Variants in FAF1 observed in about 807,000 individuals in gnomAD.
FAF1 encodes the protein FAS-associated factor 1.
FAF1 carries 25 observed loss-of-function variants against 92.5 expected under a neutral mutation model. The observed-to-expected ratio is 0.27, with a 90% CI of 0.20 to 0.38. FAF1 has a LOEUF of 0.38. Among genes scored for constraint, FAF1 ranks in the 10% least tolerant of loss-of-function variants. FAF1 has a pLI of 1.00. For synonymous variants in FAF1, 234 were observed against 273.2 expected (o/e 0.86, Z 1.42); for missense variants, 636 against 793.3 (o/e 0.80, Z 2.38).
At chr1:50,765,661 G>A (rs1013604012) in intron 4 of FAF1, among the ~76,000 whole-genome samples, 3 of 152,088 alleles carry the variant, frequency 2.0e-5, no homozygotes, top group Non-Finnish European at 4.4e-5. Context: ...GACTATTACT[G>A]AGCCAAATTA....
At chr1:50,635,451 T>G (rs1293733068) in intron 8 of FAF1, among the ~76,000 whole-genome samples, 1 of 152,144 alleles carries the variant, frequency 6.6e-6, no homozygotes, top group African/African-American at 2.4e-5. Flanking sequence ...CTTGAGACCA[T>G]GTCTCACTCT....
At chr1:50,519,776 C>G (rs533830715) in intron 15 of FAF1, among the ~76,000 whole-genome samples, 1 of 152,018 alleles carries the variant, frequency 6.6e-6, no homozygotes, top group Non-Finnish European at 1.5e-5. Context: ...TGGAAAAGTA[C>G]CCTTCTTTCT....
At chr1:50,918,800 G>C (rs1644940544) in intron 1 of FAF1, among the ~76,000 whole-genome samples, 1 of 133,974 alleles carries the variant, frequency 7.5e-6, no homozygotes, top group African/African-American at 2.9e-5. Context: ...CTAGTTTACA[G>C]TCCCACCAAC....
At chr1:50,760,199 G>A (rs1660266714) in intron 4 of FAF1, among the ~76,000 whole-genome samples, 2 of 152,056 alleles carry the variant, frequency 1.3e-5, no homozygotes, top group Non-Finnish European at 2.9e-5. Flanking sequence ...AGTCCTGAGT[G>A]ACCTACAAAG....
intron 1 of FAF1, among the ~76,000 whole-genome samples, chr1:50,879,256 A>AAATGAATGAATG (rs57298510): frequency 1.9e-4 from 28 of 151,188 alleles, no homozygotes; most frequent in Non-Finnish European, 2.8e-4. Flanking sequence ...AAAAATAAAC[A>AAATGAATGAATG]AATGAATGAA....
intron 1 of FAF1, among the ~76,000 whole-genome samples, chr1:50,872,152 C>T (rs570987120): frequency 6.6e-6 from 1 of 151,754 alleles, no homozygotes; most frequent in Admixed American, 6.6e-5. Context: ...TGGATCTGGG[C>T]AAAGTACACT....
At chr1:50,672,611 A>G (rs1655948621) in intron 7 of FAF1, among the ~76,000 whole-genome samples, 1 of 152,170 alleles carries the variant, frequency 6.6e-6, no homozygotes, top group African/African-American at 2.4e-5. Context: ...TGCCACTCAC[A>G]GCTAGTAGTG....
At chr1:50,666,271 A>G (rs1655628611) in intron 7 of FAF1, among the ~76,000 whole-genome samples, 1 of 152,062 alleles carries the variant, frequency 6.6e-6, no homozygotes, top group African/African-American at 2.4e-5. Context: ...GGAGTGAAGT[A>G]GGGCCATCAC....
At chr1:50,634,888 A>G (rs1181205394) in intron 8 of FAF1, among the ~76,000 whole-genome samples, 1 of 152,242 alleles carries the variant, frequency 6.6e-6, no homozygotes, top group Non-Finnish European at 1.5e-5. Flanking sequence ...TAGGCAGAAA[A>G]GGGTGGTTTC....
rs1435564661 is a variant in FAF1 at position 50,497,571 on chromosome 1, C to T, written c.1495-5770G>A. ...TTTTTTTTTTTTTTTTTTTTTGTGA[C>T]GGAGTCTCACTCTGTCACCCAGGCT... On this transcript the variant is annotated intron_variant, in intron 15 of 18. Transcript: ENST00000396153. 1.9e-3 allele frequency among the ~76,000 whole-genome samples: 182 copies of T among 94,436 alleles called. 3 individuals are homozygous for T. The highest frequency in any genetic ancestry group is 6.8e-3 in the African/African-American group (175 of 25,600). The allele number at this position is 94,436 out of a possible 152,430, so 62.0% of individuals were successfully genotyped here.
intron 7 of FAF1, among the ~76,000 whole-genome samples, chr1:50,683,998 G>T (rs1360979848): frequency 2.0e-5 from 3 of 151,556 alleles, no homozygotes; most frequent in Admixed American, 2.0e-4. Context: ...TGGTATTATA[G>T]CATCTATGAC....
chr1:50,941,375 A>T (rs1305002151), intron 1 of FAF1, among the ~76,000 whole-genome samples: 1 of 151,864 alleles, frequency 6.6e-6, no homozygotes, highest in Non-Finnish European at 1.5e-5. Context: ...ACGCCCAGCT[A>T]ATTTTTGTAT....
chr1:50,767,980 C>A (rs1469782259), intron 4 of FAF1, among the ~76,000 whole-genome samples: 3 of 152,064 alleles, frequency 2.0e-5, no homozygotes, highest in African/African-American at 7.2e-5. Context: ...GCTAAAAGCC[C>A]CCATTAAAAG....
At chr1:50,911,365 C>A (rs1016260933) in intron 1 of FAF1, among the ~76,000 whole-genome samples, 1 of 151,418 alleles carries the variant, frequency 6.6e-6, no homozygotes, top group African/African-American at 2.4e-5. Context: ...AGCCACCACA[C>A]CTGGCTGCCT....
At chr1:50,708,139 T>C (rs1657767241) in intron 6 of FAF1, among the ~76,000 whole-genome samples, 2 of 152,162 alleles carry the variant, frequency 1.3e-5, no homozygotes, top group South Asian at 4.1e-4. Flanking sequence ...AGAGAACTAG[T>C]AAGATATGAC....
intron 1 of FAF1, among the ~76,000 whole-genome samples, chr1:50,947,812 T>G (rs941083543): frequency 6.6e-6 from 1 of 152,206 alleles, no homozygotes; most frequent in African/African-American, 2.4e-5. Flanking sequence ...AATGACAGAT[T>G]TTATTATTCA....
chr1:50,471,420 T>C lies in FAF1; in HGVS notation c.1869+4044A>G, dbSNP rs79369465. 7.3e-3 allele frequency among the ~76,000 whole-genome samples: 1,114 copies of C among 152,318 alleles called. 11 individuals are homozygous for C. Among genetic ancestry groups the C allele is most frequent in the Middle Eastern group, 0.071 (21 of 294 alleles). ...ACAAAACTTTACTGAAGGTCTACTC[T>C]AGGAAAACCATGCTGGAGCTTGATT... On this transcript the variant is annotated intron_variant, in intron 18 of 18. Coordinates refer to ENST00000396153, the MANE Select transcript of FAF1 (RefSeq NM_007051.3).
chr1:50,799,549 G>A (rs1661895225), intron 3 of FAF1, among the ~76,000 whole-genome samples: 1 of 151,836 alleles, frequency 6.6e-6, no homozygotes, highest in African/African-American at 2.4e-5. Flanking sequence ...AATTAGTACA[G>A]TTTTTTGTTT....
At chr1:50,584,942 A>G in intron 9 of FAF1, 131 bp from the exon 10 acceptor site, 3 of 830,424 alleles carry the variant, frequency 3.6e-6, no homozygotes, top group Non-Finnish European at 5.4e-6. Context: ...TGCTAGAGTA[A>G]AGCTTACTAT....
Sources: gnomAD v4.1 joint callset for allele counts (sites outside exome capture counted in the v4.1 genomes callset) on GRCh38, gnomAD v4.1.1 for gene constraint, MANE v1.5 for transcripts, NCBI Gene and HGNC (gene_info 2026-07-23, HGNC 2026-07-21) for gene names.